The following SPOCK1 variants were observed in gnomAD, a reference collection of about 807,000 sequenced individuals.
The protein encoded by SPOCK1 is testican-1.
Under a neutral mutation model 55.3 loss-of-function variants are expected in SPOCK1, and 23 were observed. That is an observed-to-expected ratio of 0.42 (90% confidence interval 0.30 to 0.59). The LOEUF is 0.59. Ranked by LOEUF, SPOCK1 falls within the 20% of genes least tolerant of loss-of-function variation. The pLI, the probability that SPOCK1 is intolerant of heterozygous loss-of-function variation, is 0.22. For synonymous variants in SPOCK1, 226 were observed against 221.0 expected (o/e 1.02, Z -0.20); for missense variants, 499 against 552.5 (o/e 0.90, Z 0.97).
chr5:137,291,591 T>G (rs990987756), intron 2 of SPOCK1, among the ~76,000 whole-genome samples: 4 of 152,154 alleles, frequency 2.6e-5, no homozygotes, highest in African/African-American at 9.7e-5. Flanking sequence ...GCTTTATATG[T>G]CCAGGCTAGA....
chr5:137,206,662 A>G (rs1198693765), intron 3 of SPOCK1, among the ~76,000 whole-genome samples: 1 of 152,264 alleles, frequency 6.6e-6, no homozygotes, highest in African/African-American at 2.4e-5. Flanking sequence ...GCTAATTGTA[A>G]TTCTACAAAT....
chr5:137,444,880 C>T (rs964345526), intron 2 of SPOCK1, among the ~76,000 whole-genome samples: 4 of 152,330 alleles, frequency 2.6e-5, no homozygotes, highest in South Asian at 2.1e-4. Context: ...CCTCCCAGCT[C>T]CCAAGCTCAC....
intron 6 of SPOCK1, among the ~76,000 whole-genome samples, chr5:137,032,901 A>C (rs1751809019): frequency 6.6e-6 from 1 of 151,508 alleles, no homozygotes; most frequent in Admixed American, 6.6e-5. Context: ...AGGAAAAAGG[A>C]AGGTGGTTCA....
chr5:137,267,106 A>C, intron 2 of SPOCK1, 51 bp from the exon 3 acceptor site: 68 of 1,472,160 alleles, frequency 4.6e-5, no homozygotes, highest in Middle Eastern at 1.8e-4. Flanking sequence ...AAAGCTTCTC[A>C]CATAACTGCA....
chr5:137,013,279 C>G (rs935226437), intron 6 of SPOCK1, among the ~76,000 whole-genome samples: 2 of 151,920 alleles, frequency 1.3e-5, no homozygotes, highest in Non-Finnish European at 2.9e-5. Context: ...TGGTATAAGA[C>G]AAAAACACTC....
chr5:137,386,470 A>G (rs554800373), intron 2 of SPOCK1, among the ~76,000 whole-genome samples: 2 of 152,308 alleles, frequency 1.3e-5, no homozygotes, highest in African/African-American at 4.8e-5. Flanking sequence ...ACTTATTATA[A>G]AGTTTCCATA....
At chr5:137,237,666 G>A (rs1434637) in intron 3 of SPOCK1, among the ~76,000 whole-genome samples, 131,133 of 152,246 alleles carry the variant, frequency 0.86, 56,547 homozygotes, top group African/African-American at 0.91. Flanking sequence ...AAGAGTCAAC[G>A]TGTTAATAAC....
At chr5:137,359,063 C>A (rs986405296) in intron 2 of SPOCK1, among the ~76,000 whole-genome samples, 1 of 152,134 alleles carries the variant, frequency 6.6e-6, no homozygotes, top group African/African-American at 2.4e-5. Context: ...TAAATCGAGC[C>A]CACTGGGGAG....
chr5:137,132,761 T>G (rs1160781320), intron 4 of SPOCK1, among the ~76,000 whole-genome samples: 2 of 152,220 alleles, frequency 1.3e-5, no homozygotes, highest in Non-Finnish European at 2.9e-5. Flanking sequence ...ATGGAAAATA[T>G]GAACTGCCCC....
At chr5:137,351,588 C>A (rs1295149204) in intron 2 of SPOCK1, among the ~76,000 whole-genome samples, 2 of 152,206 alleles carry the variant, frequency 1.3e-5, no homozygotes, top group Non-Finnish European at 2.9e-5. Context: ...CCTCCCAGTT[C>A]TGTTTCACAG....
At chr5:137,069,703 C>T (rs768805335) in intron 5 of SPOCK1, among the ~76,000 whole-genome samples, 3 of 152,224 alleles carry the variant, frequency 2.0e-5, no homozygotes, top group Non-Finnish European at 2.9e-5. Context: ...CTGCCATGAC[C>T]GGGCTGCCTC....
chr5:137,230,058 G>A (rs749481389), intron 3 of SPOCK1, among the ~76,000 whole-genome samples: 1 of 152,180 alleles, frequency 6.6e-6, no homozygotes, highest in Non-Finnish European at 1.5e-5. Flanking sequence ...CTTAACAAAA[G>A]GGGCCAGTCA....
intron 5 of SPOCK1, among the ~76,000 whole-genome samples, chr5:137,102,514 A>C (rs1753289937): frequency 6.6e-6 from 1 of 152,200 alleles, no homozygotes. Context: ...TGGCTACCCC[A>C]ATATGCTTTC....
chr5:137,475,971 T>C (rs1753829501), intron 2 of SPOCK1, among the ~76,000 whole-genome samples: 2 of 152,094 alleles, frequency 1.3e-5, no homozygotes, highest in Admixed American at 6.6e-5. Context: ...AAAGGCAAGC[T>C]AGAGAACACT....
At chr5:137,073,428 C>T (rs1400919146) in intron 5 of SPOCK1, among the ~76,000 whole-genome samples, 2 of 152,042 alleles carry the variant, frequency 1.3e-5, no homozygotes, top group Admixed American at 1.3e-4. Flanking sequence ...GCACAAAGGC[C>T]CAGGGTAGAA....
rs552518956 is a variant in SPOCK1, at chr5:137,116,770, A to G, written c.348-4209T>C. ...GTCTACCTGCTCCCCTCCCCAACACACACATGCACACTGACCACGACCAAC... is the reference window on the plus strand; with the variant it reads ...GTCTACCTGCTCCCCTCCCCAACACGCACATGCACACTGACCACGACCAAC... On this transcript the variant is annotated intron_variant, in intron 4 of 10. Transcript: ENST00000394945. Among the ~76,000 whole-genome samples the G allele has an allele frequency of 2.0e-5, 3 of 152,102 alleles. No individual in the cohort carries two copies. The South Asian group carries it at 6.2e-4, about 32-fold the overall frequency.
intron 3 of SPOCK1, among the ~76,000 whole-genome samples, chr5:137,242,573 C>T (rs1247246293): frequency 6.6e-6 from 1 of 151,912 alleles, no homozygotes; most frequent in East Asian, 1.9e-4. Flanking sequence ...TTGTCTCTAC[C>T]AAAAAAATAC....
chr5:137,252,714 G>T (rs1756559250), intron 3 of SPOCK1, among the ~76,000 whole-genome samples: 2 of 152,174 alleles, frequency 1.3e-5, no homozygotes, highest in Admixed American at 1.3e-4. Context: ...ATAGCATGAT[G>T]TTCTAAAAAT....
chr5:137,231,851 C>T (rs1370660720), intron 3 of SPOCK1, among the ~76,000 whole-genome samples: 1 of 152,226 alleles, frequency 6.6e-6, no homozygotes, highest in East Asian at 1.9e-4. Context: ...TCAGTTTCTC[C>T]ACAACCTTGC....
Sources: gnomAD v4.1 joint callset for allele counts (sites outside exome capture counted in the v4.1 genomes callset) on GRCh38, gnomAD v4.1.1 for gene constraint, MANE v1.5 for transcripts, NCBI Gene and HGNC (gene_info 2026-07-23, HGNC 2026-07-21) for gene names.